Variants in MDK observed in about 807,000 individuals in gnomAD.
The protein encoded by MDK is midkine.
Under a neutral mutation model 18.9 loss-of-function variants are expected in MDK, and 17 were observed. That is an observed-to-expected ratio of 0.90 (90% CI 0.62 to 1.35). The LOEUF (loss-of-function observed/expected upper bound fraction) is 1.35, where lower values mean the gene tolerates loss of function less well. MDK is among the 40% of genes most tolerant of loss of function. MDK has a pLI of 0.00. For synonymous variants in MDK, 86 were observed against 74.3 expected (o/e 1.16, Z -0.81); for missense variants, 180 against 186.3 (o/e 0.97, Z 0.20).
At position 46,382,079 on chromosome 11, in the gene MDK, C is replaced by T. The variant is rs760990143; in HGVS notation, c.22C>T (p.Leu8Phe). 7.5e-6 allele frequency: 12 copies of T among 1,609,722 alleles called. No individual in the cohort carries two copies. Among genetic ancestry groups the T allele is most frequent in the Middle Eastern group, 1.7e-4 (1 of 6,034 alleles). ...CAGGATGCAGCACCGAGGCTTCCTCCTCCTCACCCTCCTCGCCCTGCTGGC... is the reference window on the plus strand; with the variant it reads ...CAGGATGCAGCACCGAGGCTTCCTCTTCCTCACCCTCCTCGCCCTGCTGGC... MQHRGFLLLTLLALLALT... is the reference protein window; with the variant it reads MQHRGFLFLTLLALLALT... The change falls in exon 2 of 5, where the codon CTC (leucine) becomes TTC (phenylalanine). Residue 8 changes from leucine to phenylalanine, a missense_variant. Transcript: ENST00000395566.
chr11:46,383,470 C>G lies in MDK; in HGVS notation c.408C>G (p.Ala136=), dbSNP rs1301572128. The part of the protein sequence containing the change: ...CTPKTKAKAK[A]KKGKGKD Reference sequence around the variant, plus strand: ...TAATATTTCTTTCTTGTTTTACAGCCAAGAAAGGGAAGGGAAAGGACTAGA... The same window carrying G: ...TAATATTTCTTTCTTGTTTTACAGCGAAGAAAGGGAAGGGAAAGGACTAGA... Residue 136 remains alanine, a splice_region_variant and synonymous_variant, in exon 5 of 5, where the codon GCC becomes GCG. Coordinates refer to ENST00000395566, the MANE Select transcript of MDK (RefSeq NM_002391.6). The G allele has an allele frequency of 6.3e-7, 1 of 1,593,746 alleles. No homozygotes were observed. The highest frequency in any genetic ancestry group is 2.2e-5 in the East Asian group (1 of 44,544).
rs1251115086 is a variant in MDK at position 46,382,723 on chromosome 11, C to A, written c.381C>A (p.Thr127=). ...QETIRVTKPC[T]PKTKAKAKAK... The stretch of plus-strand genomic sequence containing the variant: ...CCATCCGCGTCACCAAGCCCTGCAC[C>A]CCCAAGACCAAAGCAAAGGCCAAAG... Residue 127 remains threonine, a synonymous_variant, in exon 4 of 5, where the codon ACC becomes ACA. Coordinates refer to ENST00000395566, the MANE Select transcript of MDK (RefSeq NM_002391.6). The A allele has an allele frequency of 6.2e-7, 1 of 1,612,576 alleles. No homozygotes were observed. The highest frequency in any genetic ancestry group is 8.5e-7 in the Non-Finnish European group (1 of 1,179,766).
intron 4 of MDK, 169 bp from the exon 5 acceptor site, chr11:46,383,300 C>T (rs933073605): frequency 1.7e-6 from 1 of 584,414 alleles, no homozygotes; most frequent in Non-Finnish European, 3.1e-6. Context: ...TGTCCCATGT[C>T]CACATCACAA....
Position 46,383,575 on chromosome 11 carries a change from G to A in MDK, c.*81G>A. 2 of 1,267,818 alleles carry A rather than the reference G, an allele frequency of 1.6e-6. No homozygotes were observed. The highest frequency in any genetic ancestry group is 2.3e-6 in the Non-Finnish European group (2 of 867,840). 78.5% of individuals were successfully genotyped at this position (1,267,818 alleles called of 1,614,324 possible). A position where few individuals can be genotyped will look rare whatever the true frequency, so the allele number is the denominator to read the frequency against. On this transcript the variant is annotated 3_prime_UTR_variant, in exon 5 of 5. Transcript: ENST00000395566. Reference sequence around the variant, plus strand: ...CCTCCCTCTCCCAGGCCCGAGATGTGACCCACCAGTGCCTTCTGTCTGCTC... The same window carrying A: ...CCTCCCTCTCCCAGGCCCGAGATGTAACCCACCAGTGCCTTCTGTCTGCTC...
At chr11:46,382,011 G>A in intron 1 of MDK, 46 bp from the exon 2 acceptor site, 1 of 1,554,372 alleles carries the variant, frequency 6.4e-7, no homozygotes. Flanking sequence ...GGCCCCCGGT[G>A]GGGAAGGGGA....
At position 46,383,575 on chromosome 11, in the gene MDK, G is replaced by T. The variant is rs1206103601; in HGVS notation, c.*81G>T. 7.9e-7 allele frequency: 1 copy of T among 1,267,816 alleles called. No homozygotes were observed. The highest frequency in any genetic ancestry group is 1.2e-5 in the South Asian group (1 of 84,002). The allele number at this position is 1,267,816 out of a possible 1,614,324, so 78.5% of individuals were successfully genotyped here. ...CCTCCCTCTCCCAGGCCCGAGATGT[G>T]ACCCACCAGTGCCTTCTGTCTGCTC... On this transcript the variant is annotated 3_prime_UTR_variant, in exon 5 of 5. Coordinates refer to ENST00000395566, the MANE Select transcript of MDK (RefSeq NM_002391.6).
upstream of MDK, chr11:46,381,402 G>C (rs971554400): frequency 6.5e-6 from 1 of 152,912 alleles, no homozygotes; most frequent in Non-Finnish European, 1.5e-5. Context: ...CGGTGTGCGC[G>C]GGCGGGACGG....
chr11:46,383,375 C>T, intron 4 of MDK, 94 bp from the exon 5 acceptor site: 5 of 985,172 alleles, frequency 5.1e-6, no homozygotes, highest in Non-Finnish European at 7.6e-6. Flanking sequence ...GAATCTTCTC[C>T]TTCCCTGATG....
At chr11:46,382,017 G>A (rs758211915) in intron 1 of MDK, 40 bp from the exon 2 acceptor site, 2 of 1,562,678 alleles carry the variant, frequency 1.3e-6, no homozygotes, top group East Asian at 2.3e-5. Flanking sequence ...CGGTGGGGAA[G>A]GGGACGGGCC....
chr11:46,382,588 C>G lies in MDK; in HGVS notation c.246C>G (p.Ala82=), dbSNP rs770464409. 3.7e-6 allele frequency: 6 copies of G among 1,608,446 alleles called. No homozygotes were observed. Among genetic ancestry groups the G allele is most frequent in the South Asian group, 3.3e-5 (3 of 90,602 alleles). ...TGACCTGGGCCGCTCTCTCGCCAGC[C>G]GACTGCAAGTACAAGTTTGAGAACT... ...VPCNWKKEFG[A]DCKYKFENWG... The change falls in exon 4 of 5, where the codon GCC becomes GCG. Residue 82 remains alanine (A), a splice_region_variant and synonymous_variant. Coordinates refer to ENST00000395566, the MANE Select transcript of MDK (RefSeq NM_002391.6).
At position 46,382,287 on chromosome 11, in the gene MDK, G is replaced by C. The variant is rs1227976748; in HGVS notation, c.77-7G>C. On this transcript the variant is annotated splice_polypyrimidine_tract_variant and splice_region_variant and intron_variant, in intron 2 of 4. Transcript: ENST00000395566. ...CAGTCCTGAACTCTGTTCCTCGCGCGTTGTAGATAAGGTGAAGAAGGGCGG... is the reference window on the plus strand; with the variant it reads ...CAGTCCTGAACTCTGTTCCTCGCGCCTTGTAGATAAGGTGAAGAAGGGCGG... 1 of 1,607,124 alleles carries C rather than the reference G, an allele frequency of 6.2e-7. No individual in the cohort carries two copies. Among genetic ancestry groups the C allele is most frequent in the African/African-American group, 1.3e-5 (1 of 74,712 alleles).
Position 46,382,328 on chromosome 11 carries a change from C to T in MDK, c.111C>T (p.Cys37=). Residue 37 remains cysteine, a synonymous_variant, in exon 3 of 5, where the codon TGC becomes TGT. Coordinates refer to ENST00000395566, the MANE Select transcript of MDK (RefSeq NM_002391.6). ...AGAAGGGCGGCCCGGGGAGCGAGTG[C>T]GCTGAGTGGGCCTGGGGGCCCTGCA... ...KVKKGGPGSE[C]AEWAWGPCTP... 6.2e-7 allele frequency: 1 copy of T among 1,607,916 alleles called. No individual in the cohort carries two copies. The highest frequency in any genetic ancestry group is 8.5e-7 in the Non-Finnish European group (1 of 1,178,030).
chr11:46,383,731 G>A lies in MDK; in HGVS notation c.*237G>A. ...CCCCCAAAGCAATGTGAGTCCCAGA[G>A]CCCGCTTTTGTTCTTCCCCACAATT... is the stretch of plus-strand genomic sequence containing the variant. On this transcript the variant is annotated 3_prime_UTR_variant, in exon 5 of 5. Coordinates refer to ENST00000395566, the MANE Select transcript of MDK (RefSeq NM_002391.6). 2 of 649,238 alleles carry A rather than the reference G, an allele frequency of 3.1e-6. No individual in the cohort carries two copies. Among genetic ancestry groups the A allele is most frequent in the Non-Finnish European group, 5.7e-6 (2 of 349,644 alleles). The allele number at this position is 649,238 out of a possible 1,614,324, so 40.2% of individuals were successfully genotyped here. A position where few individuals can be genotyped will look rare whatever the true frequency, so the allele number is the denominator to read the frequency against.
upstream of MDK, among the ~76,000 whole-genome samples, chr11:46,381,481 C>T (rs1945161689): frequency 6.6e-6 from 1 of 151,044 alleles, no homozygotes; most frequent in Admixed American, 6.6e-5. Context: ...GCGCAGAGGG[C>T]ACCGGCGGGG....
At chr11:46,382,005 C>G in intron 1 of MDK, 52 bp from the exon 2 acceptor site, 1 of 1,546,518 alleles carries the variant, frequency 6.5e-7, no homozygotes, top group Non-Finnish European at 8.8e-7. Context: ...GCACGCGGCC[C>G]CCGGTGGGGA....
At chr11:46,383,374 C>T in intron 4 of MDK, 95 bp from the exon 5 acceptor site, 1 of 966,382 alleles carries the variant, frequency 1.0e-6, no homozygotes, top group Non-Finnish European at 1.6e-6. Flanking sequence ...AGAATCTTCT[C>T]CTTCCCTGAT....
rs1346803654 is a variant in MDK at position 46,382,069 on chromosome 11, A to T, written c.12A>T (p.Arg4=). The T allele has an allele frequency of 8.7e-6, 14 of 1,608,470 alleles. No individual in the cohort carries two copies. Among genetic ancestry groups the T allele is most frequent in the Non-Finnish European group, 1.2e-5 (14 of 1,178,270 alleles). ...GCTCTCCCCTCAGGATGCAGCACCG[A>T]GGCTTCCTCCTCCTCACCCTCCTCG... is the stretch of plus-strand genomic sequence containing the variant. MQH[R]GFLLLTLLAL... Residue 4 remains arginine, a synonymous_variant, in exon 2 of 5, where the codon CGA becomes CGT. Coordinates refer to ENST00000395566, the MANE Select transcript of MDK (RefSeq NM_002391.6).
intron 4 of MDK, chr11:46,383,196 G>A (rs932186629): frequency 4.1e-5 from 18 of 441,860 alleles, no homozygotes; most frequent in African/African-American, 3.0e-4. Flanking sequence ...CTTCTCAGGT[G>A]AGGAGGCTGA....
chr11:46,383,679 A>T lies in MDK; in HGVS notation c.*185A>T, dbSNP rs200344139. ...CCCTAAGTGCCCAAAGTGGGGAGGG[A>T]CAAGGGATTCTGGGAAGCTTGAGCC... On this transcript the variant is annotated 3_prime_UTR_variant, in exon 5 of 5. Coordinates refer to ENST00000395566, the MANE Select transcript of MDK (RefSeq NM_002391.6). 3.3e-5 allele frequency: 23 copies of T among 699,586 alleles called. No individual in the cohort carries two copies. The highest frequency in any genetic ancestry group is 4.6e-4 in the Middle Eastern group (2 of 4,316). 43.3% of individuals were successfully genotyped at this position (699,586 alleles called of 1,614,324 possible).
Sources: gnomAD v4.1 joint callset for allele counts (sites outside exome capture counted in the v4.1 genomes callset) on GRCh38, gnomAD v4.1.1 for gene constraint, MANE v1.5 for transcripts, NCBI Gene and HGNC (gene_info 2026-07-23, HGNC 2026-07-21) for gene names.